MAP4K5: variants seen among roughly 807,000 people sequenced by gnomAD.
The protein encoded by MAP4K5 is mitogen-activated protein kinase kinase kinase kinase 5, also known as MAPK/ERK kinase kinase kinase 5.
MAP4K5 carries 82 observed loss-of-function variants against 135.6 expected under a neutral mutation model. The ratio of observed to expected loss-of-function variants is 0.60; its 90% CI spans 0.51 to 0.73. MAP4K5 has a LOEUF of 0.73. Among genes scored for constraint, MAP4K5 ranks in the 30% least tolerant of loss-of-function variants. The pLI, the probability that MAP4K5 is intolerant of heterozygous loss-of-function variation, is 0.00. For missense variants in MAP4K5, 907 were observed against 1,010.9 expected (o/e 0.90, Z 1.39); for synonymous variants, 347 against 335.0 (o/e 1.04, Z -0.39).
chr14:50,542,243 G>T (rs962925916), intron 2 of MAP4K5, among the ~76,000 whole-genome samples: 2 of 131,992 alleles, frequency 1.5e-5, no homozygotes, highest in Non-Finnish European at 3.1e-5. Flanking sequence ...AGAACACGTG[G>T]ACACAGGGAG....
At chr14:50,519,849 GA>G (rs939125944) in intron 2 of MAP4K5, among the ~76,000 whole-genome samples, 2 of 151,938 alleles carry the variant, frequency 1.3e-5, no homozygotes, top group African/African-American at 4.8e-5. Context: ...ACAATTCCTG[GA>G]AAAAACTGGT....
At chr14:50,551,983 C>T (rs537563311) in intron 1 of MAP4K5, among the ~76,000 whole-genome samples, 10 of 152,208 alleles carry the variant, frequency 6.6e-5, no homozygotes, top group Admixed American at 3.9e-4. Flanking sequence ...ACCACTTCTA[C>T]TCAACATAGT....
In MAP4K5 at chr14:50,546,379, T is replaced by C. The variant is rs535408344; in HGVS notation, c.-179-3795A>G. Among the ~76,000 whole-genome samples, 44 of 151,996 alleles carry C rather than the reference T, an allele frequency of 2.9e-4. No individual in the cohort carries two copies. In the East Asian group the frequency reaches 6.0e-3, roughly 21 times the overall value. ...AAAAGGTACTGGGTGTGTGTGTGTG[T>C]GCGTGTGTGTGTGTGAGAGAGCATA... On this transcript the variant is annotated intron_variant, in intron 1 of 8. Transcript: ENST00000555216.
chr14:50,538,015 G>C (rs1468321595), intron 2 of MAP4K5, among the ~76,000 whole-genome samples: 1 of 152,146 alleles, frequency 6.6e-6, no homozygotes, highest in African/African-American at 2.4e-5. Context: ...ATGAGATTTG[G>C]GAGGGGCCGG....
intron 6 of MAP4K5, among the ~76,000 whole-genome samples, chr14:50,477,976 T>C (rs915407165): frequency 6.6e-6 from 1 of 152,152 alleles, no homozygotes; most frequent in Non-Finnish European, 1.5e-5. Flanking sequence ...CTCAAAATGA[T>C]TCGGGAGTTA....
chr14:50,433,318 A>G (rs1468404646), intron 28 of MAP4K5, among the ~76,000 whole-genome samples: 1 of 152,218 alleles, frequency 6.6e-6, no homozygotes, highest in South Asian at 2.1e-4. Context: ...TCTTCCATAA[A>G]GAGTATGTTT....
In MAP4K5 at chr14:50,504,920, C is replaced by T. The variant is rs956659017; in HGVS notation, c.109-63G>A. 1.4e-5 allele frequency: 14 copies of T among 1,032,772 alleles called. No individual in the cohort carries two copies. The African/African-American group carries it at 2.0e-4, about 14-fold the overall frequency. 64.0% of individuals were successfully genotyped at this position (1,032,772 alleles called of 1,614,324 possible). A position where few individuals can be genotyped will look rare whatever the true frequency, so the allele number is the denominator to read the frequency against. ...AAGCTTGTTAATTACATTAAAATTA[C>T]TTGGTACTATGTTAATTGCTTATCA... On this transcript the variant is annotated intron_variant, in intron 2 of 32. Transcript: ENST00000682126.
At chr14:50,526,960 CA>C (rs372089074) in intron 2 of MAP4K5, among the ~76,000 whole-genome samples, 2,444 of 146,298 alleles carry the variant, frequency 0.017, 36 homozygotes, top group East Asian at 0.069. Context: ...TTTATAATTG[CA>C]AAAAAAAAAG....
chr14:50,425,878 G>C, intron 31 of MAP4K5, 29 bp downstream of exon 31: 1 of 1,515,224 alleles, frequency 6.6e-7, no homozygotes. Context: ...GTTAGTGGGA[G>C]TCAGTGGAGG....
intron 9 of MAP4K5, among the ~76,000 whole-genome samples, chr14:50,473,369 G>A (rs1310376702): frequency 1.3e-5 from 2 of 151,766 alleles, no homozygotes; most frequent in East Asian, 3.9e-4. Flanking sequence ...TGCTAATAGA[G>A]TTGGTATTAG....
chr14:50,492,104 T>G (rs2037497114), intron 3 of MAP4K5, among the ~76,000 whole-genome samples: 1 of 152,216 alleles, frequency 6.6e-6, no homozygotes, highest in African/African-American at 2.4e-5. Flanking sequence ...TCTACTGTAT[T>G]TCTACTTCAT....
chr14:50,558,294 G>A (rs2038789672), intron 1 of MAP4K5, among the ~76,000 whole-genome samples: 1 of 152,214 alleles, frequency 6.6e-6, no homozygotes, highest in Admixed American at 6.5e-5. Flanking sequence ...GGGAGGTGGA[G>A]GTTGTAGTGA....
Position 50,445,044 on chromosome 14 carries a change from TAGA to T in MAP4K5, c.1333_1335del (p.Ser445del), listed in dbSNP as rs781109896. ...CTGCTAATAATGCTAGCCATACCAA[TAGA>T]AGAAGTCTCTGCCACAGGCCCACAA... On this transcript the variant is annotated inframe_deletion, in exon 18 of 33. Coordinates refer to ENST00000682126, the MANE Select transcript of MAP4K5 (RefSeq NM_006575.6). The T allele has an allele frequency of 3.5e-5, 57 of 1,613,038 alleles. No homozygotes were observed. Among genetic ancestry groups the T allele is most frequent in the Non-Finnish European group, 4.6e-5 (54 of 1,179,438 alleles).
intron 2 of MAP4K5, among the ~76,000 whole-genome samples, chr14:50,507,479 G>A (rs2037835060): frequency 6.6e-6 from 1 of 152,256 alleles, no homozygotes; most frequent in East Asian, 1.9e-4. Context: ...TCTTTTGTGG[G>A]CATTTAGTGC....
chr14:50,457,296 A>C (rs149919400), intron 13 of MAP4K5, among the ~76,000 whole-genome samples: 5 of 152,318 alleles, frequency 3.3e-5, no homozygotes, highest in African/African-American at 1.2e-4. Flanking sequence ...TGGCATTGCC[A>C]ATGTCAGCTT....
chr14:50,521,841 C>T (rs1022823542), intron 2 of MAP4K5, among the ~76,000 whole-genome samples: 2 of 152,188 alleles, frequency 1.3e-5, no homozygotes, highest in Non-Finnish European at 1.5e-5. Flanking sequence ...CCCTCTCAAA[C>T]TTGACTAGTA....
At chr14:50,432,576 A>C (rs966540948) in intron 28 of MAP4K5, among the ~76,000 whole-genome samples, 3 of 140,044 alleles carry the variant, frequency 2.1e-5, no homozygotes, top group Non-Finnish European at 4.5e-5. Context: ...AAAAAAAAAA[A>C]CAAAAAAACG....
chr14:50,502,658 T>C (rs2037731327), intron 3 of MAP4K5, among the ~76,000 whole-genome samples: 1 of 151,822 alleles, frequency 6.6e-6, no homozygotes, highest in East Asian at 1.9e-4. Context: ...ACCTGAAAAA[T>C]AAAAAGAGTG....
At chr14:50,433,675 G>T (rs989754060) in intron 28 of MAP4K5, among the ~76,000 whole-genome samples, 6 of 152,088 alleles carry the variant, frequency 3.9e-5, no homozygotes, top group African/African-American at 1.4e-4. Context: ...TTCTTCAAAA[G>T]GCAGTAAAGA....
Sources: allele counts gnomAD v4.1 joint callset (sites outside exome capture counted in the v4.1 genomes callset), GRCh38; gene constraint gnomAD v4.1.1; transcripts MANE v1.5; gene names NCBI Gene and HGNC (gene_info 2026-07-23, HGNC 2026-07-21).